Variants in CSTPP1 observed in about 807,000 individuals in gnomAD.
CSTPP1 encodes UPF0705 protein C11orf49.
chr11:47,153,909 G>C, the CSTPP1 span, among the ~76,000 whole-genome samples: 1 of 152,074 alleles, frequency 6.6e-6, no homozygotes, highest in African/African-American at 2.4e-5. Flanking sequence ...AGTGGAGAGA[G>C]ATTTAGAAAA....
the CSTPP1 span, chr11:47,161,610 C>A: frequency 1.2e-6 from 2 of 1,613,812 alleles, no homozygotes; most frequent in African/African-American, 1.3e-5. Flanking sequence ...GATGGCTCCA[C>A]TGAAGAGACA....
At chr11:47,094,129 A>G in the CSTPP1 span, among the ~76,000 whole-genome samples, 4 of 152,244 alleles carry the variant, frequency 2.6e-5, no homozygotes, top group African/African-American at 9.6e-5. Context: ...AGAATTATCT[A>G]TAAATAGAAA....
chr11:47,074,730 A>G, the CSTPP1 span, among the ~76,000 whole-genome samples: 1 of 152,204 alleles, frequency 6.6e-6, no homozygotes, highest in Non-Finnish European at 1.5e-5. Flanking sequence ...CTTCCTGAGA[A>G]CCATATATTT....
At chr11:47,036,249 TTATATATTATATAATA>T in the CSTPP1 span, among the ~76,000 whole-genome samples, 82 of 49,352 alleles carry the variant, frequency 1.7e-3, 2 homozygotes, top group African/African-American at 4.9e-3. Flanking sequence ...TATTTATATA[TTATATATTATATAATA>T]TATATATTAT....
chr11:47,015,494 C>A, the CSTPP1 span, among the ~76,000 whole-genome samples: 1 of 151,402 alleles, frequency 6.6e-6, no homozygotes, highest in South Asian at 2.1e-4. Context: ...AACAAACAAA[C>A]AAAAAATATA....
the CSTPP1 span, among the ~76,000 whole-genome samples, chr11:47,095,248 A>G: frequency 2.6e-5 from 4 of 152,202 alleles, no homozygotes; most frequent in Admixed American, 2.0e-4. Flanking sequence ...TTCAAAGGAC[A>G]TGAGGGGTGA....
the CSTPP1 span, among the ~76,000 whole-genome samples, chr11:47,147,524 G>A: frequency 2.0e-5 from 3 of 152,138 alleles, no homozygotes; most frequent in African/African-American, 4.8e-5. Context: ...GACACCTTCA[G>A]GCTGTCTACA....
chr11:47,107,771 C>T, the CSTPP1 span, among the ~76,000 whole-genome samples: 2 of 152,202 alleles, frequency 1.3e-5, no homozygotes, highest in East Asian at 1.9e-4. Context: ...GAAAGAATTA[C>T]TTCCTCCACC....
chr11:46,957,495 A>G, the CSTPP1 span, among the ~76,000 whole-genome samples: 3 of 152,156 alleles, frequency 2.0e-5, no homozygotes, highest in African/African-American at 2.4e-5. Flanking sequence ...TGTTGGAGAT[A>G]ATTTTCCCTT....
the CSTPP1 span, among the ~76,000 whole-genome samples, chr11:46,984,788 G>T: frequency 6.6e-6 from 1 of 151,644 alleles, no homozygotes; most frequent in Admixed American, 6.6e-5. Context: ...GTAGAGCTAA[G>T]TCATAAAAGG....
At chr11:47,106,277 C>T in the CSTPP1 span, among the ~76,000 whole-genome samples, 1 of 152,050 alleles carries the variant, frequency 6.6e-6, no homozygotes, top group South Asian at 2.1e-4. Flanking sequence ...GAAGGAGAAC[C>T]GATCAAATTG....
At chr11:47,147,666 CTT>C in the CSTPP1 span, among the ~76,000 whole-genome samples, 1 of 152,184 alleles carries the variant, frequency 6.6e-6, no homozygotes, top group Admixed American at 6.5e-5. Context: ...AGAGTCCACT[CTT>C]TCTTACCAGA....
the CSTPP1 span, among the ~76,000 whole-genome samples, chr11:46,940,272 T>C: frequency 1.3e-5 from 2 of 152,352 alleles, no homozygotes; most frequent in African/African-American, 4.8e-5. Context: ...AGTCCCGCAC[T>C]GGTAAACAAG....
chr11:46,979,233 T>C, the CSTPP1 span, among the ~76,000 whole-genome samples: 2 of 152,148 alleles, frequency 1.3e-5, no homozygotes, highest in Non-Finnish European at 2.9e-5. Context: ...TAGGCATGCA[T>C]CACCATGCCC....
At chr11:47,043,889 G>C in the CSTPP1 span, among the ~76,000 whole-genome samples, 2 of 152,166 alleles carry the variant, frequency 1.3e-5, 1 homozygote, top group South Asian at 4.1e-4. Context: ...AGCTACTTGG[G>C]AGGCACTTAT....
chr11:47,093,916 A>G, the CSTPP1 span, among the ~76,000 whole-genome samples: 1 of 152,346 alleles, frequency 6.6e-6, no homozygotes, highest in East Asian at 1.9e-4. Flanking sequence ...CAAATGATGA[A>G]GAACAGTTGA....
the CSTPP1 span, among the ~76,000 whole-genome samples, chr11:47,022,800 AT>A: frequency 9.2e-5 from 14 of 152,330 alleles, no homozygotes; most frequent in African/African-American, 3.1e-4. Flanking sequence ...AGTAATAATA[AT>A]AAGATAGTCC....
chr11:46,946,529 G>C, the CSTPP1 span, among the ~76,000 whole-genome samples: 1 of 152,160 alleles, frequency 6.6e-6, no homozygotes, highest in African/African-American at 2.4e-5. Flanking sequence ...GTGGTGGCAG[G>C]CGCCTGTAGT....
At chr11:47,131,891 C>T in the CSTPP1 span, among the ~76,000 whole-genome samples, 11 of 151,868 alleles carry the variant, frequency 7.2e-5, no homozygotes, top group South Asian at 2.1e-4. Context: ...GCAGGAGAAT[C>T]GCTTGAACCC....
Sources: allele counts gnomAD v4.1 joint callset (sites outside exome capture counted in the v4.1 genomes callset), GRCh38; gene constraint gnomAD v4.1.1; transcripts MANE v1.5; gene names NCBI Gene and HGNC (gene_info 2026-07-23, HGNC 2026-07-21).